SLC36A1: variants seen among roughly 807,000 people sequenced by gnomAD.
SLC36A1 encodes the protein proton-coupled amino acid transporter 1.
SLC36A1 carries 30 observed loss-of-function variants against 47.5 expected under a neutral mutation model. That is an observed-to-expected ratio of 0.63 (90% CI 0.47 to 0.86). The LOEUF is 0.86. Among genes scored for constraint, SLC36A1 ranks in the 40% least tolerant of loss-of-function variants. SLC36A1 has a pLI of 0.00. For synonymous variants in SLC36A1, 255 were observed against 249.7 expected, an observed-to-expected ratio of 1.02 and a Z score of -0.20; for missense variants, 517 against 606.0, an observed-to-expected ratio of 0.85 and a Z score of 1.54.
chr5:151,534,551 G>T, the SLC36A1 span: 1 of 1,614,104 alleles, frequency 6.2e-7, no homozygotes, highest in Non-Finnish European at 8.5e-7. Context: ...TGTCTGCCTG[G>T]CACGATCGGC....
chr5:151,473,622 T>C, intron 7 of SLC36A1, 51 bp from the exon 8 acceptor site: 1 of 1,207,318 alleles, frequency 8.3e-7, no homozygotes, highest in Non-Finnish European at 1.2e-6. Context: ...ATCTTGAATT[T>C]CTGTATAGCC....
At chr5:151,554,558 C>A in the SLC36A1 span, 6 of 1,614,040 alleles carry the variant, frequency 3.7e-6, no homozygotes, top group Admixed American at 5.0e-5. Context: ...CTCTGGAAGG[C>A]GGACATTGAA....
downstream of SLC36A1, among the ~76,000 whole-genome samples, chr5:151,496,765 A>G (rs1760356065): frequency 6.6e-6 from 1 of 152,232 alleles, no homozygotes; most frequent in Admixed American, 6.5e-5. Flanking sequence ...CATGTTGGTC[A>G]GGCTGGTCTT....
At chr5:151,460,086 C>T (rs1360365085) in intron 2 of SLC36A1, among the ~76,000 whole-genome samples, 1 of 152,196 alleles carries the variant, frequency 6.6e-6, no homozygotes, top group Non-Finnish European at 1.5e-5. Context: ...GCTTAGAGCA[C>T]AGCTGGCAGC....
At chr5:151,412,269 A>G in the SLC36A1 span, among the ~76,000 whole-genome samples, 3 of 144,866 alleles carry the variant, frequency 2.1e-5, no homozygotes, top group Non-Finnish European at 4.6e-5. Flanking sequence ...TATTTCCTAT[A>G]TAAACATGGG....
the SLC36A1 span, chr5:151,542,883 G>A: frequency 6.2e-7 from 1 of 1,614,034 alleles, no homozygotes; most frequent in African/African-American, 1.3e-5. Context: ...TCACCTTTAT[G>A]ACCCCTGTGT....
the SLC36A1 span, among the ~76,000 whole-genome samples, chr5:151,541,622 T>C: frequency 7.2e-5 from 11 of 152,208 alleles, no homozygotes; most frequent in Non-Finnish European, 1.3e-4. Context: ...AACTCTCTCA[T>C]GGCCACTGGT....
chr5:151,447,973 A>G (rs1753075636), intron 1 of SLC36A1, 160 bp downstream of exon 1: 1 of 152,284 alleles, frequency 6.6e-6, no homozygotes, highest in South Asian at 2.1e-4. Flanking sequence ...TTGGGATCTC[A>G]CCGTCCTGTT....
At chr5:151,382,177 C>A in the SLC36A1 span, 1 of 1,051,020 alleles carries the variant, frequency 9.5e-7, no homozygotes, top group Non-Finnish European at 1.5e-6. Context: ...GTGTGCATGG[C>A]ACTGAATGAG....
chr5:151,552,424 CT>C, the SLC36A1 span, among the ~76,000 whole-genome samples: 1 of 152,170 alleles, frequency 6.6e-6, no homozygotes, highest in Non-Finnish European at 1.5e-5. Flanking sequence ...GGCATATATC[CT>C]ATCCTACTCT....
At chr5:151,424,537 A>G in the SLC36A1 span, among the ~76,000 whole-genome samples, 1 of 152,206 alleles carries the variant, frequency 6.6e-6, no homozygotes, top group South Asian at 2.1e-4. Flanking sequence ...TCACAGACTC[A>G]TTTTGCATGA....
the SLC36A1 span, chr5:151,544,449 T>G: frequency 6.2e-7 from 1 of 1,614,188 alleles, no homozygotes; most frequent in Non-Finnish European, 8.5e-7. Context: ...GCCCTGTTAC[T>G]GTTAGGACAC....
At chr5:151,346,837 C>T in the SLC36A1 span, among the ~76,000 whole-genome samples, 1 of 152,156 alleles carries the variant, frequency 6.6e-6, no homozygotes, top group African/African-American at 2.4e-5. Flanking sequence ...AAGTAGAGGC[C>T]AGGCTTACTG....
At chr5:151,384,386 C>T in the SLC36A1 span, among the ~76,000 whole-genome samples, 7 of 152,086 alleles carry the variant, frequency 4.6e-5, no homozygotes, top group Non-Finnish European at 7.4e-5. Flanking sequence ...GAAACAATGC[C>T]GGAAGAGAAA....
At chr5:151,400,834 T>A in the SLC36A1 span, among the ~76,000 whole-genome samples, 1 of 152,244 alleles carries the variant, frequency 6.6e-6, no homozygotes, top group Non-Finnish European at 1.5e-5. Flanking sequence ...GAGAAGTGTC[T>A]GTTCATGTCT....
chr5:151,489,334 C>T lies in SLC36A1; in HGVS notation c.*1080C>T, dbSNP rs908072184. On this transcript the variant is annotated 3_prime_UTR_variant, in exon 11 of 11. Coordinates refer to ENST00000243389, the MANE Select transcript of SLC36A1 (RefSeq NM_078483.4). This position sits in a 1 kb window ranked among gnomAD's most constrained non-coding sequence, Gnocchi z 4.5. ...CTCAGCCCACGCCAGGTGAAAGGATCAGCAATGCTCTGTTGCCATCGTGCT... is the reference window on the plus strand; with the variant it reads ...CTCAGCCCACGCCAGGTGAAAGGATTAGCAATGCTCTGTTGCCATCGTGCT... 2 of 152,650 alleles carry T rather than the reference C, an allele frequency of 1.3e-5. No homozygotes were observed. The highest frequency in any genetic ancestry group is 2.9e-5 in the Non-Finnish European group (2 of 68,060). The allele number at this position is 152,650 out of a possible 1,614,324, so 9.5% of individuals were successfully genotyped here. A position where few individuals can be genotyped will look rare whatever the true frequency, so the allele number is the denominator to read the frequency against.
chr5:151,500,928 C>T, the SLC36A1 span, among the ~76,000 whole-genome samples: 1 of 152,128 alleles, frequency 6.6e-6, no homozygotes, highest in Non-Finnish European at 1.5e-5. Flanking sequence ...TCTGTGAAGG[C>T]GCAGGCTGCG....
At chr5:151,545,687 T>G in the SLC36A1 span, 1 of 1,614,222 alleles carries the variant, frequency 6.2e-7, no homozygotes, top group Non-Finnish European at 8.5e-7. Context: ...GGATCAATTT[T>G]GAAAAACTTC....
intron 10 of SLC36A1, chr5:151,479,956 G>A (rs1484460377): frequency 1.6e-6 from 1 of 623,898 alleles, no homozygotes; most frequent in African/African-American, 1.9e-5. Flanking sequence ...ATTTTTTAAT[G>A]TCAGTCTTAC....
Sources: gnomAD v4.1 joint callset for allele counts (sites outside exome capture counted in the v4.1 genomes callset) on GRCh38, gnomAD v4.1.1 for gene constraint, Gnocchi (gnomAD v3.1) non-coding constraint, MANE v1.5 for transcripts, NCBI Gene and HGNC (gene_info 2026-07-23, HGNC 2026-07-21) for gene names.